DPY19L1: variants seen among roughly 807,000 people sequenced by gnomAD.
DPY19L1 encodes dpy-19 like C-mannosyltransferase 1, also known as protein C-mannosyl-transferase DPY19L1.
DPY19L1 carries 35 observed loss-of-function variants against 96.9 expected under a neutral mutation model. That is an observed-to-expected ratio of 0.36 (90% confidence interval 0.28 to 0.48). The LOEUF (loss-of-function observed/expected upper bound fraction) is 0.48. Ranked by LOEUF, DPY19L1 falls within the 20% of genes least tolerant of loss-of-function variation. The probability of loss-of-function intolerance (pLI) is 0.99; values close to 1 mark genes in which losing one functional copy is unlikely to be tolerated. For missense variants in DPY19L1, 521 were observed against 777.9 expected (o/e 0.67, Z 3.93); for synonymous variants, 205 against 252.6 (o/e 0.81, Z 1.79).
At chr7:34,973,948 ATTGT>A (rs1433908444) in intron 7 of DPY19L1, among the ~76,000 whole-genome samples, 1 of 152,164 alleles carries the variant, frequency 6.6e-6, no homozygotes, top group Non-Finnish European at 1.5e-5. Flanking sequence ...TTATTTATCT[ATTGT>A]TTGTCTTCTT....
chr7:34,986,810 G>A (rs935886472), intron 7 of DPY19L1, among the ~76,000 whole-genome samples: 6 of 151,948 alleles, frequency 3.9e-5, no homozygotes, highest in African/African-American at 7.2e-5. Flanking sequence ...GAGGCAATCC[G>A]TTAATTTACT....
chr7:34,974,066 C>T (rs1784784284), intron 7 of DPY19L1, among the ~76,000 whole-genome samples: 1 of 152,088 alleles, frequency 6.6e-6, no homozygotes, highest in African/African-American at 2.4e-5. Context: ...AGGAATATTC[C>T]ATTTTTGGTT....
chr7:34,955,438 C>T lies in DPY19L1; in HGVS notation c.1180-71G>A, dbSNP rs941920379. 8 of 1,561,712 alleles carry T rather than the reference C, an allele frequency of 5.1e-6. No homozygotes were observed. The African/African-American group carries it at 6.9e-5, about 13-fold the overall frequency. Reference sequence around the variant, plus strand: ...ACATAAATTCAAGTACCAAAAAATTCTTCTAAATAATAAGATTCTCAAGTA... The same window carrying T: ...ACATAAATTCAAGTACCAAAAAATTTTTCTAAATAATAAGATTCTCAAGTA... On this transcript the variant is annotated intron_variant, in intron 11 of 21. Coordinates refer to ENST00000638088, the MANE Select transcript of DPY19L1 (RefSeq NM_001366673.1).
chr7:35,004,692 T>C (rs1369146555), intron 6 of DPY19L1, among the ~76,000 whole-genome samples: 2 of 152,236 alleles, frequency 1.3e-5, no homozygotes, highest in Admixed American at 6.5e-5. Flanking sequence ...TCATAGATAA[T>C]ACACTCATAT....
intron 1 of DPY19L1, among the ~76,000 whole-genome samples, chr7:35,033,397 T>C (rs1478240073): frequency 6.6e-6 from 1 of 152,120 alleles, no homozygotes; most frequent in African/African-American, 2.4e-5. Flanking sequence ...TCCATGAAGG[T>C]AGGGGTGACA....
chr7:34,985,740 A>G (rs1182702054), intron 7 of DPY19L1, among the ~76,000 whole-genome samples: 1 of 152,156 alleles, frequency 6.6e-6, no homozygotes, highest in African/African-American at 2.4e-5. Flanking sequence ...AAATTTATAC[A>G]GTCATTTTAG....
chr7:34,984,080 T>C (rs1784997268), intron 7 of DPY19L1, among the ~76,000 whole-genome samples: 1 of 152,214 alleles, frequency 6.6e-6, no homozygotes, highest in African/African-American at 2.4e-5. Flanking sequence ...TATCAACCTA[T>C]AATTCTTATT....
chr7:34,944,365 C>CAAAAAAAAA (rs60937482), intron 16 of DPY19L1, among the ~76,000 whole-genome samples: 1 of 82,316 alleles, frequency 1.2e-5, no homozygotes, highest in African/African-American at 5.1e-5. Flanking sequence ...GGCTCTGTCT[C>CAAAAAAAAA]AAAAAAAAAA....
chr7:34,960,514 A>G (rs570722015), intron 10 of DPY19L1, among the ~76,000 whole-genome samples: 6 of 152,240 alleles, frequency 3.9e-5, no homozygotes, highest in Admixed American at 3.3e-4. Context: ...TTCCAGTAGT[A>G]GTTTATTTGG....
At chr7:34,956,317 CTAA>C (rs151027254) in intron 11 of DPY19L1, among the ~76,000 whole-genome samples, 29,829 of 151,914 alleles carry the variant, frequency 0.2, 3,283 homozygotes, top group Admixed American at 0.36. Context: ...GTCACCTTTC[CTAA>C]TAATAAACAG....
intron 11 of DPY19L1, 78 bp downstream of exon 11, chr7:34,957,906 G>T: frequency 1.1e-6 from 1 of 895,784 alleles, no homozygotes; most frequent in Non-Finnish European, 1.7e-6. Flanking sequence ...AAACCCTGAT[G>T]AATCCTAAGC....
At chr7:35,022,663 GC>G in intron 1 of DPY19L1, among the ~76,000 whole-genome samples, 1 of 152,316 alleles carries the variant, frequency 6.6e-6, no homozygotes, top group East Asian at 1.9e-4. Flanking sequence ...AGCTGAGCAC[GC>G]TCAAGTGTTT....
Position 34,955,165 on chromosome 7 carries a change from T to C in DPY19L1, c.1239+143A>G, listed in dbSNP as rs180931861. On this transcript the variant is annotated intron_variant, in intron 12 of 21. Coordinates refer to ENST00000638088, the MANE Select transcript of DPY19L1 (RefSeq NM_001366673.1). ...TTGTTTCATAAAAAGGGCAATTTGGTACATTAAAACTGAGCCCTAAAATAC... is the reference window on the plus strand; with the variant it reads ...TTGTTTCATAAAAAGGGCAATTTGGCACATTAAAACTGAGCCCTAAAATAC... 1.6e-3 allele frequency: 1,269 copies of C among 815,736 alleles called. 13 individuals are homozygous for C. In the African/African-American group the frequency reaches 0.019, roughly 12 times the overall value. 50.5% of individuals were successfully genotyped at this position (815,736 alleles called of 1,614,324 possible).
chr7:34,930,856 T>C lies in DPY19L1; in HGVS notation c.*717A>G, dbSNP rs368482525. On this transcript the variant is annotated 3_prime_UTR_variant, in exon 22 of 22. Transcript: ENST00000638088. ...AACTAAATGAGTAAACAGTACTTAT[T>C]TGACAGAAAATATGGGGAAGAGGAG... 5 of 152,068 alleles carry C rather than the reference T, an allele frequency of 3.3e-5. No homozygotes were observed. Among genetic ancestry groups the C allele is most frequent in the Non-Finnish European group, 1.5e-5 (1 of 67,988 alleles). The allele number at this position is 152,068 out of a possible 1,614,324, so 9.4% of individuals were successfully genotyped here. A position where few individuals can be genotyped will look rare whatever the true frequency, so the allele number is the denominator to read the frequency against.
At chr7:34,979,487 C>T (rs1445778697) in intron 7 of DPY19L1, among the ~76,000 whole-genome samples, 1 of 152,056 alleles carries the variant, frequency 6.6e-6, no homozygotes, top group Non-Finnish European at 1.5e-5. Flanking sequence ...CCTTTATATT[C>T]TGACTATACC....
intron 15 of DPY19L1, 56 bp downstream of exon 15, chr7:34,947,574 T>A: frequency 4.0e-6 from 6 of 1,488,772 alleles, no homozygotes; most frequent in Non-Finnish European, 9.2e-7. Context: ...GCGACTACTA[T>A]GTAAAAACAA....
chr7:34,931,471 A>G lies in DPY19L1; in HGVS notation c.*102T>C. ...AATAAAACGTTTTCTATTTGAAAAC[A>G]GTTACCTATAAAAGTTTTTGGGATA... On this transcript the variant is annotated 3_prime_UTR_variant, in exon 22 of 22. Transcript: ENST00000638088. 3.8e-6 allele frequency: 5 copies of G among 1,324,304 alleles called. No individual in the cohort carries two copies. Among genetic ancestry groups the G allele is most frequent in the Non-Finnish European group, 4.9e-6 (5 of 1,015,072 alleles). 82.0% of individuals were successfully genotyped at this position (1,324,304 alleles called of 1,614,324 possible). A position where few individuals can be genotyped will look rare whatever the true frequency, so the allele number is the denominator to read the frequency against.
At chr7:34,935,456 C>T (rs1458837769) in intron 21 of DPY19L1, among the ~76,000 whole-genome samples, 1 of 152,206 alleles carries the variant, frequency 6.6e-6, no homozygotes, top group African/African-American at 2.4e-5. Context: ...TAATCTACAA[C>T]TTGCATGCAA....
intron 11 of DPY19L1, among the ~76,000 whole-genome samples, chr7:34,957,555 C>G (rs1289413150): frequency 1.3e-5 from 2 of 151,990 alleles, no homozygotes; most frequent in East Asian, 3.9e-4. Flanking sequence ...TTACTTAAAC[C>G]ATCTGAATAG....
Sources: gnomAD v4.1 joint callset for allele counts (sites outside exome capture counted in the v4.1 genomes callset) on GRCh38, gnomAD v4.1.1 for gene constraint, MANE v1.5 for transcripts, NCBI Gene and HGNC (gene_info 2026-07-23, HGNC 2026-07-21) for gene names.